CHRDL1: variants seen among roughly 807,000 people sequenced by gnomAD.
CHRDL1 encodes chordin like 1.
A neutral mutation model predicts 40.9 loss-of-function variants in CHRDL1; 19 were observed. That is an observed-to-expected ratio of 0.46 (90% CI 0.32 to 0.68). The LOEUF is 0.68. Among genes scored for constraint, CHRDL1 ranks in the 30% least tolerant of loss-of-function variants. The pLI is 0.03. For missense variants in CHRDL1, 329 were observed against 352.1 expected (o/e 0.93, Z 0.53); for synonymous variants, 136 against 123.4 (o/e 1.10, Z -0.68).
intron 4 of CHRDL1, among the ~76,000 whole-genome samples, chrX:110,744,381 C>T (rs369559964): frequency 1.8e-5 from 2 of 111,200 alleles, no homozygotes; most frequent in East Asian, 5.7e-4. Context: ...CTGGCTAGTA[C>T]TTTTGTTCCC....
intron 4 of CHRDL1, among the ~76,000 whole-genome samples, chrX:110,741,087 T>C (rs10521529): frequency 0.018 from 1,991 of 111,411 alleles, 46 homozygotes; most frequent in African/African-American, 0.061. Context: ...AGAAATCCAA[T>C]GTGCACTGCC....
intron 4 of CHRDL1, among the ~76,000 whole-genome samples, chrX:110,738,102 G>A (rs2148484038): frequency 8.9e-6 from 1 of 112,240 alleles, no homozygotes; most frequent in East Asian, 2.8e-4. Flanking sequence ...ATCCCTAAAT[G>A]TTTGAAATAT....
chrX:110,779,288 T>A (rs1054418905), intron 2 of CHRDL1, among the ~76,000 whole-genome samples: 1 of 111,163 alleles, frequency 9.0e-6, no homozygotes, highest in Admixed American at 9.6e-5. Flanking sequence ...AATCCAAGGT[T>A]ACCTAAATTT....
At chrX:110,791,617 T>C (rs2090101817) in intron 2 of CHRDL1, among the ~76,000 whole-genome samples, 1 of 112,395 alleles carries the variant, frequency 8.9e-6, no homozygotes, top group South Asian at 3.7e-4. Flanking sequence ...GCCCAGTTCA[T>C]AGGAAGGTTT....
chrX:110,779,892 TAC>T (rs767546642), intron 2 of CHRDL1, among the ~76,000 whole-genome samples: 1 of 111,921 alleles, frequency 8.9e-6, no homozygotes, highest in South Asian at 3.7e-4. Flanking sequence ...ATAGATACTG[TAC>T]ATATTTTGTT....
At chrX:110,782,269 T>G (rs1193096981) in intron 2 of CHRDL1, among the ~76,000 whole-genome samples, 1 of 112,339 alleles carries the variant, frequency 8.9e-6, no homozygotes, top group Non-Finnish European at 1.9e-5. Context: ...AAGGTAGGTC[T>G]CATTATTGGC....
chrX:110,689,309 C>A (rs1261988901), intron 8 of CHRDL1, among the ~76,000 whole-genome samples: 1 of 95,926 alleles, frequency 1.0e-5, no homozygotes, highest in Non-Finnish European at 2.0e-5. Context: ...GTTGCCCAGG[C>A]TGGTCTGAAA....
intron 6 of CHRDL1, among the ~76,000 whole-genome samples, chrX:110,707,209 T>A (rs1384951878): frequency 2.7e-5 from 3 of 111,971 alleles, no homozygotes; most frequent in African/African-American, 9.7e-5. Flanking sequence ...TCTCCACTGA[T>A]AGGCATTTGA....
chrX:110,732,772 G>T lies in CHRDL1; in HGVS notation c.302-11242C>A, dbSNP rs192572414. Reference sequence around the variant, plus strand: ...GCTTGCAAATGGCATAGATTTGGGGGTTTTTTGGGGGGCAGGGGGAGGGCC... The same window carrying T: ...GCTTGCAAATGGCATAGATTTGGGGTTTTTTTGGGGGGCAGGGGGAGGGCC... On this transcript the variant is annotated intron_variant, in intron 4 of 11. Transcript: ENST00000372042. 1.2e-3 allele frequency among the ~76,000 whole-genome samples: 127 copies of T among 108,476 alleles called. No individual in the cohort carries two copies. The East Asian group carries it at 0.024, about 21-fold the overall frequency. The allele number at this position is 108,476 out of a possible 115,157, so 94.2% of individuals were successfully genotyped here.
At chrX:110,775,394 C>A (rs1250094852) in intron 2 of CHRDL1, among the ~76,000 whole-genome samples, 1 of 111,200 alleles carries the variant, frequency 9.0e-6, no homozygotes, top group Non-Finnish European at 1.9e-5. Flanking sequence ...GGAATCTGAC[C>A]CATCACAACT....
intron 2 of CHRDL1, among the ~76,000 whole-genome samples, chrX:110,789,530 C>T (rs1321423736): frequency 8.9e-6 from 1 of 112,142 alleles, no homozygotes; most frequent in Admixed American, 9.4e-5. Context: ...GTTAAATAAA[C>T]CAATGCAAAC....
intron 2 of CHRDL1, among the ~76,000 whole-genome samples, chrX:110,785,055 G>C (rs1484944957): frequency 8.9e-6 from 1 of 112,046 alleles, no homozygotes; most frequent in Non-Finnish European, 1.9e-5. Context: ...AAACCAAACT[G>C]TTCTTCCTAT....
At chrX:110,717,845 C>T (rs760265601) in intron 6 of CHRDL1, among the ~76,000 whole-genome samples, 4 of 111,762 alleles carry the variant, frequency 3.6e-5, no homozygotes, top group East Asian at 2.8e-4. Flanking sequence ...CCCCCACCAG[C>T]AAATCCTATA....
At chrX:110,769,054 T>C (rs996711397) in intron 2 of CHRDL1, among the ~76,000 whole-genome samples, 1 of 111,828 alleles carries the variant, frequency 8.9e-6, no homozygotes, top group Non-Finnish European at 1.9e-5. Context: ...TGCCTTATTG[T>C]ACATGATATA....
intron 4 of CHRDL1, among the ~76,000 whole-genome samples, chrX:110,732,548 G>T (rs2071185273): frequency 8.9e-6 from 1 of 111,925 alleles, no homozygotes. Context: ...TCACATCCTA[G>T]TCTAATCCCA....
intron 7 of CHRDL1, among the ~76,000 whole-genome samples, chrX:110,697,626 T>C (rs888100067): frequency 7.3e-5 from 8 of 110,180 alleles, no homozygotes; most frequent in Non-Finnish European, 1.5e-4. Flanking sequence ...AAATGAGACA[T>C]GGATTTTTAT....
intron 4 of CHRDL1, among the ~76,000 whole-genome samples, chrX:110,722,801 A>G (rs2070985880): frequency 8.9e-6 from 1 of 111,858 alleles, no homozygotes; most frequent in Non-Finnish European, 1.9e-5. Context: ...TGCCTGCCAT[A>G]AGACAGTGGA....
rs770643622 is a variant in CHRDL1 at position 110,681,585 on chromosome X, C to T, written c.1053G>A (p.Val351=). ...CATCCTCCATGAATACAGACTCATA[C>T]ACAGGCATCGTTTCTTCCCCGCAGA... ...GYFCGEETMP[V]YESVFMEDGE... is the part of the protein sequence containing the mutation. The change falls in exon 10 of 12, where the codon GTG becomes GTA. Residue 351 remains valine (V), a synonymous_variant. Coordinates refer to ENST00000372042, the MANE Select transcript of CHRDL1 (RefSeq NM_001143981.2). 2 of 1,206,557 alleles carry T rather than the reference C, an allele frequency of 1.7e-6. No homozygotes were observed. Among genetic ancestry groups the T allele is most frequent in the Non-Finnish European group, 2.2e-6 (2 of 890,749 alleles).
At chrX:110,707,815 G>C (rs1281279417) in intron 6 of CHRDL1, among the ~76,000 whole-genome samples, 1 of 111,867 alleles carries the variant, frequency 8.9e-6, no homozygotes, top group Admixed American at 9.5e-5. Flanking sequence ...AAACTAACGA[G>C]CTTCTTCACA....
Sources: gnomAD v4.1 joint callset for allele counts (sites outside exome capture counted in the v4.1 genomes callset) on GRCh38, gnomAD v4.1.1 for gene constraint, MANE v1.5 for transcripts, NCBI Gene and HGNC (gene_info 2026-07-23, HGNC 2026-07-21) for gene names.